The following LRRC8C variants were observed in gnomAD, a reference collection of about 807,000 sequenced individuals.
LRRC8C encodes leucine rich repeat containing 8 VRAC subunit C.
In LRRC8C, 20 loss-of-function variants were observed where a neutral mutation model predicts 55.3. The ratio of observed to expected loss-of-function variants is 0.36; its 90% CI spans 0.25 to 0.53. The LOEUF (loss-of-function observed/expected upper bound fraction) is 0.53. Among genes scored for constraint, LRRC8C ranks in the 20% least tolerant of loss-of-function variants. The pLI, the probability that LRRC8C is intolerant of heterozygous loss-of-function variation, is 0.92. For missense variants in LRRC8C, 659 were observed against 951.4 expected, an observed-to-expected ratio of 0.69 and a Z score of 4.04; for synonymous variants, 376 against 360.7, an observed-to-expected ratio of 1.04 and a Z score of -0.48.
Position 89,714,318 on chromosome 1 carries a change from A to G in LRRC8C, c.1748A>G (p.Asn583Ser), listed in dbSNP as rs576573370. 9 of 1,614,212 alleles carry G rather than the reference A, an allele frequency of 5.6e-6. No homozygotes were observed. Among genetic ancestry groups the G allele is most frequent in the African/African-American group, 5.3e-5 (4 of 75,066 alleles). ...GATGGCACCAAGCTGGTGATGCTCA[A>G]CAACTTAAAGAAGATGACCAATCTG... ...HNDGTKLVML[N>S]NLKKMTNLTE... is the part of the protein sequence containing the mutation. The change falls in exon 3 of 3, where the codon AAC (asparagine) becomes AGC (serine). Residue 583 changes from asparagine (N) to serine (S), a missense_variant. Physicochemically the swap from Asn to Ser is conservative, Grantham distance 46. Around this residue, in one of 5 missense-constraint regions of LRRC8C, gnomAD observed 344 missense variants for 464.6 expected, o/e 0.74. Coordinates refer to ENST00000370454, the MANE Select transcript of LRRC8C (RefSeq NM_032270.5). This position sits in a 1 kb window ranked among gnomAD's most constrained non-coding sequence, Gnocchi z 4.6.
At chr1:89,649,596 T>C (rs1339231078) in intron 1 of LRRC8C, among the ~76,000 whole-genome samples, 6 of 152,200 alleles carry the variant, frequency 3.9e-5, no homozygotes. Context: ...GAACTCCATC[T>C]ATTTGAAAAA....
chr1:89,616,276 C>T, the LRRC8C span, among the ~76,000 whole-genome samples: 1 of 152,158 alleles, frequency 6.6e-6, no homozygotes, highest in Admixed American at 6.5e-5. Context: ...AGCCCACTAG[C>T]AGGTCTTCTG....
At chr1:89,682,019 T>C (rs978935680) in intron 1 of LRRC8C, among the ~76,000 whole-genome samples, 4 of 151,612 alleles carry the variant, frequency 2.6e-5, no homozygotes, top group African/African-American at 4.9e-5. Flanking sequence ...CTACTAAAAA[T>C]ACAAAAAATT....
chr1:89,714,227 G>C lies in LRRC8C; in HGVS notation c.1657G>C (p.Val553Leu), dbSNP rs543634219. The change falls in exon 3 of 3, where the codon GTT (valine) becomes CTT (leucine). Residue 553 changes from valine to leucine, a missense_variant. Transcript: ENST00000370454. This position sits in a 1 kb window ranked among gnomAD's most constrained non-coding sequence, Gnocchi z 4.6. ...TAAAATTCTCTCTATCAAAAGCAAC[G>C]TTTCCAAAATCCCTCAGGCAGTGGT... Reference protein sequence around the residue: ...SLKILSIKSNVSKIPQAVVDV... With the variant: ...SLKILSIKSNLSKIPQAVVDV... The C allele has an allele frequency of 6.2e-7, 1 of 1,614,044 alleles. No homozygotes were observed.
At chr1:89,676,970 G>A (rs539155593) in intron 1 of LRRC8C, among the ~76,000 whole-genome samples, 5 of 152,272 alleles carry the variant, frequency 3.3e-5, no homozygotes, top group African/African-American at 9.6e-5. Context: ...AGCAGCTACT[G>A]ATCATAGATT....
chr1:89,671,246 A>C (rs1220179985), intron 1 of LRRC8C, among the ~76,000 whole-genome samples: 1 of 152,088 alleles, frequency 6.6e-6, no homozygotes, highest in East Asian at 1.9e-4. Context: ...AGTGCTTGGC[A>C]CTTAGTAGTT....
intron 1 of LRRC8C, among the ~76,000 whole-genome samples, chr1:89,668,850 C>T (rs528382444): frequency 2.7e-4 from 41 of 152,308 alleles, no homozygotes; most frequent in African/African-American, 8.4e-4. Flanking sequence ...AGCATGATAA[C>T]ATTATATGTC....
intron 1 of LRRC8C, among the ~76,000 whole-genome samples, chr1:89,654,525 A>G (rs1217922086): frequency 1.3e-5 from 2 of 152,170 alleles, no homozygotes; most frequent in Non-Finnish European, 1.5e-5. Context: ...TATATTCCTC[A>G]ATACTTTTTA....
intron 2 of LRRC8C, among the ~76,000 whole-genome samples, chr1:89,710,415 A>AT (rs145432417): frequency 0.015 from 2,326 of 152,274 alleles, 70 homozygotes; most frequent in African/African-American, 0.053. Flanking sequence ...CTTTATATTT[A>AT]TTTTAAACAT....
intron 1 of LRRC8C, among the ~76,000 whole-genome samples, chr1:89,645,334 A>G (rs1397835511): frequency 6.6e-6 from 1 of 152,176 alleles, no homozygotes. Flanking sequence ...AACAATAGAG[A>G]GAAAATGATT....
intron 1 of LRRC8C, chr1:89,661,104 A>G (rs1366066689): frequency 2.9e-5 from 5 of 172,696 alleles, no homozygotes; most frequent in Non-Finnish European, 3.7e-5. Context: ...TTACATCAAC[A>G]TGATTTCATG....
At chr1:89,673,213 A>G (rs1433155683) in intron 1 of LRRC8C, among the ~76,000 whole-genome samples, 4 of 151,988 alleles carry the variant, frequency 2.6e-5, no homozygotes, top group African/African-American at 4.8e-5. Flanking sequence ...AAACCTCCCA[A>G]TTTAACAACT....
At chr1:89,619,536 C>T in the LRRC8C span, among the ~76,000 whole-genome samples, 19 of 150,078 alleles carry the variant, frequency 1.3e-4, 1 homozygote, top group African/African-American at 4.6e-4. Flanking sequence ...AATAAGTATT[C>T]ATTATGTTCA....
At chr1:89,648,600 A>G (rs1368073952) in intron 1 of LRRC8C, among the ~76,000 whole-genome samples, 3 of 152,244 alleles carry the variant, frequency 2.0e-5, no homozygotes, top group Non-Finnish European at 2.9e-5. Context: ...TTGAGATATA[A>G]TATACAAACC....
chr1:89,625,146 T>C, the LRRC8C span: 1 of 152,230 alleles, frequency 6.6e-6, no homozygotes, highest in Non-Finnish European at 1.5e-5. Context: ...CTAGCAGTGA[T>C]GGATCACTTC....
At position 89,714,058 on chromosome 1, in the gene LRRC8C, G is replaced by A. The variant is rs759448565; in HGVS notation, c.1488G>A (p.Leu496=). ...TCCTGAAGGAAAACCTCAAGGTCTTGAGCGTCAAGTTTGATGACATGAGGG... is the reference window on the plus strand; with the variant it reads ...TCCTGAAGGAAAACCTCAAGGTCTTAAGCGTCAAGTTTGATGACATGAGGG... ...LSFLKENLKV[L]SVKFDDMREL... is the part of the protein sequence containing the mutation. The change falls in exon 3 of 3, where the codon TTG becomes TTA. Residue 496 remains leucine (L), a synonymous_variant. Transcript: ENST00000370454. This position sits in a 1 kb window ranked among gnomAD's most constrained non-coding sequence, Gnocchi z 4.6. 5.6e-6 allele frequency: 9 copies of A among 1,613,790 alleles called. No individual in the cohort carries two copies. Among genetic ancestry groups the A allele is most frequent in the Non-Finnish European group, 7.6e-6 (9 of 1,180,028 alleles).
chr1:89,701,391 G>A (rs1008867582), intron 2 of LRRC8C, among the ~76,000 whole-genome samples: 1 of 151,724 alleles, frequency 6.6e-6, no homozygotes, highest in African/African-American at 2.4e-5. Context: ...CAGGAGAATG[G>A]CGTGAACCTG....
At position 89,717,600 on chromosome 1, in the gene LRRC8C, A is replaced by G. The variant is rs1312940213; in HGVS notation, c.*2618A>G. 1 of 152,166 alleles carries G rather than the reference A, an allele frequency of 6.6e-6. No homozygotes were observed. The highest frequency in any genetic ancestry group is 1.5e-5 in the Non-Finnish European group (1 of 68,020). The allele number at this position is 152,166 out of a possible 1,614,324, so 9.4% of individuals were successfully genotyped here. On this transcript the variant is annotated 3_prime_UTR_variant, in exon 3 of 3. Transcript: ENST00000370454. The stretch of plus-strand genomic sequence containing the variant: ...TTTTATAAACCTTCAAAAGTCTGAA[A>G]CTTAATTTTGAGTCTAAATTTTCTG...
At chr1:89,668,517 A>G (rs979086310) in intron 1 of LRRC8C, among the ~76,000 whole-genome samples, 3 of 152,348 alleles carry the variant, frequency 2.0e-5, no homozygotes, top group Non-Finnish European at 4.4e-5. Flanking sequence ...AGTCACAAAT[A>G]TGATTGCCCT....
Sources: allele counts gnomAD v4.1 joint callset (sites outside exome capture counted in the v4.1 genomes callset), GRCh38; gene constraint gnomAD v4.1.1; regional missense constraint gnomAD v4.1.1; non-coding constraint Gnocchi (gnomAD v3.1); transcripts MANE v1.5; gene names NCBI Gene and HGNC (gene_info 2026-07-23, HGNC 2026-07-21).